The following PAM variants were observed in gnomAD, a reference collection of about 807,000 sequenced individuals.
The protein encoded by PAM is peptidylglycine alpha-amidating monooxygenase.
Under a neutral mutation model 122.1 loss-of-function variants are expected in PAM, and 72 were observed. The observed-to-expected ratio is 0.59, with a 90% CI of 0.49 to 0.72. The LOEUF is 0.72. PAM is among the 30% of genes least tolerant of loss of function. The probability of loss-of-function intolerance (pLI) is 0.00; values close to 1 mark genes in which losing one functional copy is unlikely to be tolerated. For synonymous variants in PAM, 389 were observed against 404.4 expected, an observed-to-expected ratio of 0.96 and a Z score of 0.46; for missense variants, 1,106 against 1,183.7, an observed-to-expected ratio of 0.93 and a Z score of 0.96.
chr5:102,908,057 T>A (rs1233487255), intron 4 of PAM, among the ~76,000 whole-genome samples: 1 of 152,156 alleles, frequency 6.6e-6, no homozygotes, highest in African/African-American at 2.4e-5. Context: ...CATGCCTATG[T>A]CCTGAATGAT....
intron 1 of PAM, among the ~76,000 whole-genome samples, chr5:102,770,037 A>G (rs557435382): frequency 6.6e-6 from 1 of 152,026 alleles, no homozygotes; most frequent in South Asian, 2.1e-4. Context: ...AATTTCTTTC[A>G]TCAATATTTT....
At chr5:102,923,623 A>T (rs1040304024) in intron 5 of PAM, among the ~76,000 whole-genome samples, 37 of 152,342 alleles carry the variant, frequency 2.4e-4, no homozygotes, top group African/African-American at 8.2e-4. Context: ...TGGGAAAAAA[A>T]TGGTGGCTTG....
At chr5:102,779,295 G>A (rs115657488) in intron 1 of PAM, among the ~76,000 whole-genome samples, 4,138 of 151,262 alleles carry the variant, frequency 0.027, 71 homozygotes, top group Middle Eastern at 0.087. Flanking sequence ...AGCAATACAG[G>A]AATAAGTAAT....
At chr5:102,789,274 T>A (rs1761416526) in intron 1 of PAM, among the ~76,000 whole-genome samples, 1 of 152,046 alleles carries the variant, frequency 6.6e-6, no homozygotes, top group Non-Finnish European at 1.5e-5. Context: ...TATCTAGCAA[T>A]TTGATTTCTG....
intron 1 of PAM, among the ~76,000 whole-genome samples, chr5:102,858,206 T>A (rs186355361): frequency 1.3e-5 from 2 of 152,360 alleles, no homozygotes; most frequent in Non-Finnish European, 2.9e-5. Flanking sequence ...AACACTTTTT[T>A]AAGTTATTTA....
chr5:103,006,149 C>A (rs1320836406), intron 18 of PAM, among the ~76,000 whole-genome samples: 1 of 152,110 alleles, frequency 6.6e-6, no homozygotes, highest in Non-Finnish European at 1.5e-5. Flanking sequence ...GTTGCCCAGG[C>A]TGGTCTTGAA....
chr5:102,794,610 AAC>A (rs1445659843), intron 1 of PAM, among the ~76,000 whole-genome samples: 1 of 152,194 alleles, frequency 6.6e-6, no homozygotes. Flanking sequence ...TTCAATATGA[AAC>A]AGTGATATTT....
intron 3 of PAM, among the ~76,000 whole-genome samples, chr5:102,867,997 G>A (rs1017374921): frequency 6.6e-6 from 1 of 152,192 alleles, no homozygotes; most frequent in African/African-American, 2.4e-5. Context: ...GTAGAACTAG[G>A]TTGCTGCTAG....
At chr5:102,777,384 C>T (rs1354625950) in intron 1 of PAM, among the ~76,000 whole-genome samples, 1 of 152,042 alleles carries the variant, frequency 6.6e-6, no homozygotes, top group Non-Finnish European at 1.5e-5. Context: ...ATAATTTACT[C>T]CCCCAGCCCT....
chr5:102,765,665 A>G (rs1753692944), intron 1 of PAM, among the ~76,000 whole-genome samples: 1 of 152,230 alleles, frequency 6.6e-6, no homozygotes, highest in Non-Finnish European at 1.5e-5. Flanking sequence ...TTCTAAGGCT[A>G]AAAGTCCAAC....
intron 1 of PAM, among the ~76,000 whole-genome samples, chr5:102,818,726 A>G (rs1476523601): frequency 1.3e-5 from 2 of 152,094 alleles, no homozygotes; most frequent in African/African-American, 2.4e-5. Flanking sequence ...AGGTCTTGTT[A>G]TATGTGTGGC....
intron 1 of PAM, among the ~76,000 whole-genome samples, chr5:102,826,978 G>C (rs1025630455): frequency 6.6e-6 from 1 of 152,030 alleles, no homozygotes; most frequent in African/African-American, 2.4e-5. Flanking sequence ...TTAATTTTTA[G>C]TACTTTTAAA....
chr5:102,860,798 G>C (rs1376170117), intron 1 of PAM, among the ~76,000 whole-genome samples: 2 of 152,130 alleles, frequency 1.3e-5, no homozygotes, highest in African/African-American at 4.8e-5. Flanking sequence ...TTAATCAAAT[G>C]GTCAAAGTTA....
At chr5:102,990,183 ATTGCATGAGCTTC>A in intron 15 of PAM, 76 bp from the exon 16 acceptor site, 1 of 933,482 alleles carries the variant, frequency 1.1e-6, no homozygotes, top group Non-Finnish European at 1.5e-6. Context: ...TAGTGATGTT[ATTGCATGAGCTTC>A]TTGTAACTAT....
chr5:102,815,164 C>T (rs1162451338), intron 1 of PAM, among the ~76,000 whole-genome samples: 2 of 151,986 alleles, frequency 1.3e-5, no homozygotes, highest in African/African-American at 4.8e-5. Flanking sequence ...ATCCTTGCCT[C>T]TACAGTTAAC....
chr5:103,019,715 T>A, intron 22 of PAM, 75 bp from the exon 23 acceptor site: 1 of 954,658 alleles, frequency 1.0e-6, no homozygotes, highest in East Asian at 2.4e-5. Context: ...TGAGTAAAAT[T>A]AATATCAAAG....
intron 1 of PAM, among the ~76,000 whole-genome samples, chr5:102,795,097 G>A (rs1763022820): frequency 7.0e-6 from 1 of 142,136 alleles, no homozygotes; most frequent in African/African-American, 2.6e-5. Context: ...GGCTGAGGCA[G>A]GAGAATCACT....
rs76144344 is a variant in PAM, at chr5:102,802,447, A to G, written c.-374+47099A>G. ...ATAAAACTTTGCATAGCTTCAGTCT[A>G]TTACATAGACTGAGAAAAGGACCCA... On this transcript the variant is annotated intron_variant, in intron 1 of 25. Transcript: ENST00000438793. Among the ~76,000 whole-genome samples the G allele has an allele frequency of 6.9e-3, 1,053 of 152,286 alleles. 9 individuals carry two copies. Among genetic ancestry groups the G allele is most frequent in the Non-Finnish European group, 0.013 (880 of 68,032 alleles).
intron 3 of PAM, among the ~76,000 whole-genome samples, chr5:102,894,379 A>G (rs1359294015): frequency 6.6e-6 from 1 of 151,694 alleles, no homozygotes; most frequent in Non-Finnish European, 1.5e-5. Context: ...CACATTGTCA[A>G]CTACCCTCTC....
Sources: gnomAD v4.1 joint callset for allele counts (sites outside exome capture counted in the v4.1 genomes callset) on GRCh38, gnomAD v4.1.1 for gene constraint, MANE v1.5 for transcripts, NCBI Gene and HGNC (gene_info 2026-07-23, HGNC 2026-07-21) for gene names.